The following ALK variants were observed in gnomAD, a reference collection of about 807,000 sequenced individuals.
The protein encoded by ALK is ALK tyrosine kinase receptor.
A neutral mutation model predicts 163.1 loss-of-function variants in ALK; 74 were observed. The ratio of observed to expected loss-of-function variants is 0.45; its 90% CI spans 0.38 to 0.55. The LOEUF (loss-of-function observed/expected upper bound fraction) is 0.55. Ranked by LOEUF, ALK falls within the 20% of genes least tolerant of loss-of-function variation. ALK has a pLI of 0.00. For missense variants in ALK, 2,063 were observed against 2,105.3 expected, an observed-to-expected ratio of 0.98 and a Z score of 0.39; for synonymous variants, 960 against 843.2, an observed-to-expected ratio of 1.14 and a Z score of -2.40.
intron 3 of ALK, among the ~76,000 whole-genome samples, chr2:29,616,357 C>T (rs980976357): frequency 2.6e-5 from 4 of 152,146 alleles, no homozygotes; most frequent in East Asian, 1.9e-4. Flanking sequence ...AGCCACCAGA[C>T]GTGTTTGCTA....
chr2:29,502,090 A>T (rs1375540437), intron 4 of ALK, among the ~76,000 whole-genome samples: 1 of 152,194 alleles, frequency 6.6e-6, no homozygotes, highest in East Asian at 1.9e-4. Flanking sequence ...CATTTAACAA[A>T]TTTTTAATGA....
intron 1 of ALK, among the ~76,000 whole-genome samples, chr2:29,718,529 A>T (rs993968093): frequency 1.3e-5 from 2 of 152,232 alleles, no homozygotes; most frequent in African/African-American, 4.8e-5. Flanking sequence ...GTTCTCTTTC[A>T]TAGATAGATG....
At chr2:29,206,883 C>T (rs1669325535) in intron 26 of ALK, among the ~76,000 whole-genome samples, 1 of 151,942 alleles carries the variant, frequency 6.6e-6, no homozygotes, top group Non-Finnish European at 1.5e-5. Context: ...TCCCAGCCAG[C>T]AATGGCAGCA....
intron 1 of ALK, among the ~76,000 whole-genome samples, chr2:29,855,296 G>C (rs1319147006): frequency 6.6e-6 from 1 of 152,116 alleles, no homozygotes; most frequent in African/African-American, 2.4e-5. Flanking sequence ...CTTAGGTTAA[G>C]AGACTTACAT....
intron 1 of ALK, among the ~76,000 whole-genome samples, chr2:29,737,939 C>A (rs752105613): frequency 6.6e-6 from 1 of 151,842 alleles, no homozygotes; most frequent in Non-Finnish European, 1.5e-5. Context: ...CCAAGGTGAG[C>A]GGGAGAACAA....
At chr2:29,223,624 T>C (rs2148171506) in intron 19 of ALK, 96 bp from the exon 20 acceptor site, 1 of 1,165,678 alleles carries the variant, frequency 8.6e-7, no homozygotes, top group Non-Finnish European at 1.2e-6. Context: ...TGGATCTCCA[T>C]ATCCTCCCCT....
chr2:29,257,611 A>C (rs1664983522), intron 11 of ALK, among the ~76,000 whole-genome samples: 1 of 152,214 alleles, frequency 6.6e-6, no homozygotes, highest in African/African-American at 2.4e-5. Context: ...CACAACAGTA[A>C]GGATCTGCCT....
rs189858117 is a variant in ALK at position 29,417,048 on chromosome 2, C to T, written c.1155-33189G>A. ...TGTCACCCAGGCTGGAGTGCAGTGG[C>T]GGGATCTCAGCTCACTGCAAGCTCT... On this transcript the variant is annotated intron_variant, in intron 4 of 28. Coordinates refer to ENST00000389048, the MANE Select transcript of ALK (RefSeq NM_004304.5). Among the ~76,000 whole-genome samples, 1,079 of 123,828 alleles carry T rather than the reference C, an allele frequency of 8.7e-3. 14 individuals carry two copies. Among genetic ancestry groups the T allele is most frequent in the African/African-American group, 0.032 (1,022 of 31,454 alleles). The allele number at this position is 123,828 out of a possible 152,430, so 81.2% of individuals were successfully genotyped here. A position where few individuals can be genotyped will look rare whatever the true frequency, so the allele number is the denominator to read the frequency against.
chr2:29,697,071 T>TA lies in ALK; in HGVS notation c.788-2058dup, dbSNP rs1358186622. Among the ~76,000 whole-genome samples the TA allele has an allele frequency of 2.6e-5, 4 of 151,200 alleles. No homozygotes were observed. In the East Asian group the frequency reaches 7.7e-4, roughly 29 times the overall value. On this transcript the variant is annotated intron_variant, in intron 2 of 28. Coordinates refer to ENST00000389048, the MANE Select transcript of ALK (RefSeq NM_004304.5). ...TTGTATCCCAGAACTTAAAGTAAAA[T>TA]AAAAAATAAAATAATAAATAATAAA...
intron 1 of ALK, among the ~76,000 whole-genome samples, chr2:29,878,790 A>T (rs988270292): frequency 1.3e-5 from 2 of 152,208 alleles, no homozygotes; most frequent in Non-Finnish European, 2.9e-5. Flanking sequence ...GGAGCTGGAA[A>T]GCATTGTAGT....
intron 1 of ALK, among the ~76,000 whole-genome samples, chr2:29,831,025 GGGA>G (rs1665378092): frequency 1.2e-4 from 4 of 32,512 alleles, no homozygotes; most frequent in African/African-American, 1.7e-4. Context: ...GAAGAGGAAG[GGGA>G]AGGAGGAGGA....
intron 3 of ALK, among the ~76,000 whole-genome samples, chr2:29,670,454 G>C (rs1424554756): frequency 6.6e-6 from 1 of 151,810 alleles, no homozygotes; most frequent in Admixed American, 6.6e-5. Context: ...TCCTCTCTTT[G>C]TTTCTGAACT....
chr2:29,417,556 G>C (rs909901568), intron 4 of ALK, among the ~76,000 whole-genome samples: 1 of 152,194 alleles, frequency 6.6e-6, no homozygotes, highest in African/African-American at 2.4e-5. Context: ...CCCAGATAAA[G>C]AGACCCGTGG....
intron 4 of ALK, among the ~76,000 whole-genome samples, chr2:29,471,850 T>C (rs1437383416): frequency 1.3e-5 from 2 of 152,144 alleles, no homozygotes. Flanking sequence ...TAAGTGATTC[T>C]CCTGCCTTAG....
At position 29,227,012 on chromosome 2, in the gene ALK, C is replaced by T. The variant is rs2148178548; in HGVS notation, c.2977G>A (p.Asp993Asn). The T allele has an allele frequency of 6.2e-7, 1 of 1,614,214 alleles. No homozygotes were observed. Among genetic ancestry groups the T allele is most frequent in the Non-Finnish European group, 8.5e-7 (1 of 1,180,036 alleles). Residue 993 changes from aspartate (D) to asparagine (N), a missense_variant, in exon 18 of 29, where the codon GAC (aspartate) becomes AAC (asparagine). Asp to Asn is a conservative substitution (Grantham distance 23). Coordinates refer to ENST00000389048, the MANE Select transcript of ALK (RefSeq NM_004304.5). The surrounding 1 kb of genome is among the most constrained non-coding windows in gnomAD (Gnocchi z 4.4). Reference sequence around the variant, plus strand: ...CTTTCAGGGTCCATGTGACATTCGTCTACCTCACAGTGACTGCAGTTTAGA... The same window carrying T: ...CTTTCAGGGTCCATGTGACATTCGTTTACCTCACAGTGACTGCAGTTTAGA... ...HYLNCSHCEV[D>N]ECHMDPESHK...
At chr2:29,266,307 C>T (rs998011234) in intron 11 of ALK, among the ~76,000 whole-genome samples, 3 of 152,132 alleles carry the variant, frequency 2.0e-5, no homozygotes, top group Admixed American at 6.5e-5. Context: ...AAGATATTAA[C>T]CTCCCCTCCA....
chr2:29,810,232 G>A (rs1034251840), intron 1 of ALK, among the ~76,000 whole-genome samples: 5 of 152,072 alleles, frequency 3.3e-5, no homozygotes, highest in Admixed American at 2.0e-4. Flanking sequence ...GACCAGCCTG[G>A]CCAACAGGGT....
At chr2:29,833,301 G>T (rs1340273582) in intron 1 of ALK, among the ~76,000 whole-genome samples, 9 of 152,228 alleles carry the variant, frequency 5.9e-5, no homozygotes, top group Admixed American at 3.3e-4. Context: ...CAAGGAGCAA[G>T]TCCACATCAA....
At chr2:29,760,038 TTTTG>T (rs1680656042) in intron 1 of ALK, among the ~76,000 whole-genome samples, 1 of 152,174 alleles carries the variant, frequency 6.6e-6, no homozygotes, top group Admixed American at 6.5e-5. Flanking sequence ...GTAAAGTTAG[TTTTG>T]TTTGTTTGGT....
Sources: allele counts gnomAD v4.1 joint callset (sites outside exome capture counted in the v4.1 genomes callset), GRCh38; gene constraint gnomAD v4.1.1; non-coding constraint Gnocchi (gnomAD v3.1); transcripts MANE v1.5; gene names NCBI Gene and HGNC (gene_info 2026-07-23, HGNC 2026-07-21).